The following ENPP2 variants were observed in gnomAD, a reference collection of about 807,000 sequenced individuals.
ENPP2 encodes the protein ectonucleotide pyrophosphatase/phosphodiesterase 2, also known as autotaxin.
ENPP2 carries 51 observed loss-of-function variants against 120.2 expected under a neutral mutation model. That is an observed-to-expected ratio of 0.42 (90% CI 0.34 to 0.54). ENPP2 has a LOEUF of 0.54. Among genes scored for constraint, ENPP2 ranks in the 20% least tolerant of loss-of-function variants. ENPP2 has a pLI of 0.04. For missense variants in ENPP2, 920 were observed against 1,066.5 expected (o/e 0.86, Z 1.91); for synonymous variants, 365 against 366.4 (o/e 1.00, Z 0.04).
chr8:119,606,112 T>G (rs1371183928), intron 9 of ENPP2, among the ~76,000 whole-genome samples: 3 of 150,482 alleles, frequency 2.0e-5, no homozygotes, highest in Non-Finnish European at 3.0e-5. Flanking sequence ...GTAGATTTCC[T>G]TGACGTATAT....
At chr8:119,656,997 G>C (rs1007302392) in intron 1 of ENPP2, among the ~76,000 whole-genome samples, 9 of 151,968 alleles carry the variant, frequency 5.9e-5, no homozygotes, top group African/African-American at 2.2e-4. Flanking sequence ...GCACTATCTT[G>C]GCTCAGTGCA....
intron 22 of ENPP2, among the ~76,000 whole-genome samples, chr8:119,567,163 A>G (rs1814527983): frequency 6.6e-6 from 1 of 152,136 alleles, no homozygotes; most frequent in Non-Finnish European, 1.5e-5. Context: ...CCTTTCCCAT[A>G]ACGATTTAAG....
chr8:119,596,156 G>A (rs1813882244), intron 11 of ENPP2, among the ~76,000 whole-genome samples: 1 of 152,234 alleles, frequency 6.6e-6, no homozygotes, highest in African/African-American at 2.4e-5. Context: ...TGGATGATTA[G>A]AGGAACTCTA....
chr8:119,574,445 C>T (rs932992383), intron 19 of ENPP2, among the ~76,000 whole-genome samples: 1 of 151,522 alleles, frequency 6.6e-6, no homozygotes, highest in African/African-American at 2.4e-5. Flanking sequence ...AATTCCAGAC[C>T]GAGCCTTCAT....
intron 8 of ENPP2, among the ~76,000 whole-genome samples, chr8:119,611,523 G>A (rs182807653): frequency 3.4e-4 from 52 of 152,334 alleles, no homozygotes; most frequent in African/African-American, 1.1e-3. Flanking sequence ...CGGAGCTGCC[G>A]AGGCTGAGAT....
At position 119,557,093 on chromosome 8, in the gene ENPP2, AAT is replaced by A. The variant is rs1164966980; in HGVS notation, c.*426_*427del. ...AGCCAAATAAAACCAGAAAAAACTGAATGTGTGATTTATTATGTTTAAGATTG... is the reference window on the plus strand; with the variant it reads ...AGCCAAATAAAACCAGAAAAAACTGAGTGTGATTTATTATGTTTAAGATTG... On this transcript the variant is annotated 3_prime_UTR_variant, in exon 25 of 25. Transcript: ENST00000075322. The A allele has an allele frequency of 6.5e-6, 1 of 154,288 alleles. No individual in the cohort carries two copies. The highest frequency in any genetic ancestry group is 1.4e-5 in the Non-Finnish European group (1 of 69,148). 9.6% of individuals were successfully genotyped at this position (154,288 alleles called of 1,614,324 possible).
At chr8:119,614,330 G>A (rs1260458424) in intron 8 of ENPP2, among the ~76,000 whole-genome samples, 3 of 152,174 alleles carry the variant, frequency 2.0e-5, no homozygotes, top group South Asian at 4.2e-4. Flanking sequence ...CTCCCAAAGT[G>A]CTGAGCCATC....
Position 119,672,785 on chromosome 8 carries a change from T to C in ENPP2, c.21+467A>G, listed in dbSNP as rs181777473. 3.7e-3 allele frequency among the ~76,000 whole-genome samples: 567 copies of C among 152,262 alleles called. 4 individuals are homozygous for C. Among genetic ancestry groups the C allele is most frequent in the African/African-American group, 0.012 (514 of 41,550 alleles). ...GATGATTCTGTCTCCTGGAGGCAAG[T>C]GTGGGAGTTCAGAGGACTTTACTAA... On this transcript the variant is annotated intron_variant, in intron 1 of 25. Transcript: ENST00000427067.
chr8:119,585,973 C>CA (rs1291453363), intron 15 of ENPP2, among the ~76,000 whole-genome samples: 2 of 151,754 alleles, frequency 1.3e-5, no homozygotes, highest in East Asian at 3.9e-4. Flanking sequence ...GATGCACTGA[C>CA]AGACTGCAAA....
intron 6 of ENPP2, 102 bp downstream of exon 6, chr8:119,617,364 C>G: frequency 8.8e-7 from 1 of 1,134,072 alleles, no homozygotes; most frequent in Non-Finnish European, 1.3e-6. Context: ...TAATAAAACA[C>G]ATTTAAAACT....
At position 119,582,430 on chromosome 8, in the gene ENPP2, C is replaced by A; in HGVS notation, c.1716G>T (p.Lys572Asn). The change falls in exon 18 of 25, where the codon AAG (lysine) becomes AAT (asparagine). Residue 572 changes from lysine to asparagine, a missense_variant. Transcript: ENST00000075322. Reference protein sequence around the residue: ...DFDLGCTCDDKVEPKNKLDEL... With the variant: ...DFDLGCTCDDNVEPKNKLDEL... ...AGATTATTTCTACCTTTGGCTCTAC[C>A]TTATCATCACAAGTGCAGCCCAGGT... is the stretch of plus-strand genomic sequence containing the variant. 1 of 1,613,550 alleles carries A rather than the reference C, an allele frequency of 6.2e-7. No homozygotes were observed. Among genetic ancestry groups the A allele is most frequent in the Non-Finnish European group, 8.5e-7 (1 of 1,179,698 alleles).
exon 1 of ENPP2, chr8:119,673,353 GCT>G (rs1435804396): frequency 6.7e-7 from 1 of 1,494,582 alleles, no homozygotes; most frequent in African/African-American, 1.4e-5. Context: ...TGGGAGCTGT[GCT>G]CGGGACGGCT....
chr8:119,653,657 C>T (rs1817687334), intron 1 of ENPP2, among the ~76,000 whole-genome samples: 1 of 151,930 alleles, frequency 6.6e-6, no homozygotes, highest in Non-Finnish European at 1.5e-5. Context: ...TATGCAGGAC[C>T]CTACAGGCCA....
intron 1 of ENPP2, among the ~76,000 whole-genome samples, chr8:119,647,190 T>G (rs112694363): frequency 7.0e-4 from 106 of 151,934 alleles, no homozygotes; most frequent in African/African-American, 2.5e-3. Flanking sequence ...AGAGACGAGG[T>G]TTCACCATCT....
chr8:119,594,346 T>C (rs1390314368), intron 11 of ENPP2, among the ~76,000 whole-genome samples: 1 of 152,184 alleles, frequency 6.6e-6, no homozygotes, highest in Non-Finnish European at 1.5e-5. Context: ...GAGATCCATC[T>C]TGTTCTAAGT....
At chr8:119,623,784 C>A (rs927992173) in intron 3 of ENPP2, among the ~76,000 whole-genome samples, 5 of 152,010 alleles carry the variant, frequency 3.3e-5, no homozygotes, top group African/African-American at 1.2e-4. Context: ...TCCCCCCATG[C>A]CTGGGTAATT....
At chr8:119,577,800 C>A (rs1458247804) in intron 19 of ENPP2, among the ~76,000 whole-genome samples, 2 of 152,156 alleles carry the variant, frequency 1.3e-5, no homozygotes, top group Non-Finnish European at 2.9e-5. Flanking sequence ...CAGTATTCAA[C>A]AAATGCTTGC....
intron 24 of ENPP2, among the ~76,000 whole-genome samples, chr8:119,560,056 C>A (rs942229253): frequency 5.3e-5 from 8 of 152,122 alleles, no homozygotes; most frequent in African/African-American, 1.9e-4. Context: ...ACAGAACAGC[C>A]TTTGTACCAA....
In ENPP2 at chr8:119,626,641, A is replaced by C. The variant is rs1219181742; in HGVS notation, c.216T>G (p.Pro72=). Residue 72 remains proline, a synonymous_variant, in exon 3 of 25, where the codon CCT becomes CCG. Coordinates refer to ENST00000075322, the MANE Select transcript of ENPP2 (RefSeq NM_001040092.3). The part of the protein sequence containing the change: ...RCFELQEAGP[P]DCRCDNLCKS... Reference sequence around the variant, plus strand: ...TACACAAGTTGTCACAGCGACAATCAGGAGGTCCAGCCTCTTGAAGTTCAA... The same window carrying C: ...TACACAAGTTGTCACAGCGACAATCCGGAGGTCCAGCCTCTTGAAGTTCAA... 1 of 1,614,122 alleles carries C rather than the reference A, an allele frequency of 6.2e-7. No homozygotes were observed. Among genetic ancestry groups the C allele is most frequent in the South Asian group, 1.1e-5 (1 of 91,090 alleles).
Sources: gnomAD v4.1 joint callset for allele counts (sites outside exome capture counted in the v4.1 genomes callset) on GRCh38, gnomAD v4.1.1 for gene constraint, MANE v1.5 for transcripts, NCBI Gene and HGNC (gene_info 2026-07-23, HGNC 2026-07-21) for gene names.